The following ALDH1A3 variants were observed in gnomAD, a reference collection of about 807,000 sequenced individuals.
ALDH1A3 encodes aldehyde dehydrogenase 1 family member A3, also known as retinaldehyde dehydrogenase 3.
Under a neutral mutation model 57.5 loss-of-function variants are expected in ALDH1A3, and 28 were observed. The ratio of observed to expected loss-of-function variants is 0.49; its 90% CI spans 0.36 to 0.67. The LOEUF is 0.67. Among genes scored for constraint, ALDH1A3 ranks in the 30% least tolerant of loss-of-function variants. The pLI is 0.00. For synonymous variants in ALDH1A3, 281 were observed against 264.8 expected, an observed-to-expected ratio of 1.06 and a Z score of -0.59; for missense variants, 507 against 669.4, an observed-to-expected ratio of 0.76 and a Z score of 2.68.
At chr15:100,898,657 A>C (rs7182884) in intron 8 of ALDH1A3, among the ~76,000 whole-genome samples, 46,754 of 152,152 alleles carry the variant, frequency 0.31, 8,506 homozygotes, top group South Asian at 0.5. Context: ...CTTGTGTCTC[A>C]GACCTGATAA....
Position 100,906,957 on chromosome 15 carries a change from A to C in ALDH1A3, c.1234-164A>C, listed in dbSNP as rs1400062262. 6.6e-6 allele frequency among the ~76,000 whole-genome samples: 1 copy of C among 152,190 alleles called. No homozygotes were observed. The highest frequency in any genetic ancestry group is 2.4e-5 in the African/African-American group (1 of 41,436). ...TCCCTTCAGTCTCCAATGGCAATGCAGCTGAAGCAATGTTTGGACGTTCTT... is the reference window on the plus strand; with the variant it reads ...TCCCTTCAGTCTCCAATGGCAATGCCGCTGAAGCAATGTTTGGACGTTCTT... On this transcript the variant is annotated intron_variant, in intron 10 of 12. Coordinates refer to ENST00000329841, the MANE Select transcript of ALDH1A3 (RefSeq NM_000693.4). The surrounding 1 kb of genome is among the most constrained non-coding windows in gnomAD (Gnocchi z 4.8).
rs766595446 is a variant in ALDH1A3, at chr15:100,896,000, C to G, written c.734C>G (p.Ser245Cys). 1.2e-6 allele frequency: 2 copies of G among 1,613,582 alleles called. No individual in the cohort carries two copies. The highest frequency in any genetic ancestry group is 8.5e-7 in the Non-Finnish European group (1 of 1,179,794). ...GGGCCCACAGTGGGAGCAGCAATTT[C>G]TTCTCACCCTCAGATCAACAAGATC... ...GFGPTVGAAISSHPQINKIAF... is the reference protein window; with the variant it reads ...GFGPTVGAAICSHPQINKIAF... The change falls in exon 7 of 13, where the codon TCT (serine) becomes TGT (cysteine). Residue 245 changes from serine (S) to cysteine (C), a missense_variant. Transcript: ENST00000329841.
At chr15:100,909,272 A>C (rs1175311150) in intron 12 of ALDH1A3, among the ~76,000 whole-genome samples, 2 of 108,866 alleles carry the variant, frequency 1.8e-5, no homozygotes, top group African/African-American at 3.7e-5. Context: ...CCCACTGCAA[A>C]CCCCTCCACA....
At chr15:100,901,086 C>T (rs962409774) in intron 9 of ALDH1A3, among the ~76,000 whole-genome samples, 3 of 152,256 alleles carry the variant, frequency 2.0e-5, no homozygotes, top group East Asian at 1.9e-4. Context: ...GTGCAGGCAG[C>T]GTGTGGCCTG....
At chr15:100,885,452 A>G in intron 2 of ALDH1A3, 81 bp downstream of exon 2, 1 of 1,087,716 alleles carries the variant, frequency 9.2e-7, no homozygotes. Context: ...GCTTAGCTAT[A>G]AGACAGAACT....
intron 11 of ALDH1A3, among the ~76,000 whole-genome samples, chr15:100,907,636 A>G (rs996742476): frequency 1.3e-5 from 2 of 152,070 alleles, no homozygotes; most frequent in Non-Finnish European, 2.9e-5. Context: ...CAAAATGTGG[A>G]TACTAGTCTC....
At position 100,903,939 on chromosome 15, in the gene ALDH1A3, T is replaced by A. The variant is rs565139760; in HGVS notation, c.1069-1584T>A. On this transcript the variant is annotated intron_variant, in intron 9 of 12. Transcript: ENST00000329841. ...ATGACTTGTTAATATTTTTTCCAAG[T>A]TTGTTGTTTTGCTCTTTGTTATGAT... is the stretch of plus-strand genomic sequence containing the variant. 2.4e-4 allele frequency among the ~76,000 whole-genome samples: 36 copies of A among 152,290 alleles called. 1 individual carries two copies. In the South Asian group the frequency reaches 7.3e-3, roughly 31 times the overall value.
Position 100,892,497 on chromosome 15 carries a change from C to T in ALDH1A3, c.346-13C>T. On this transcript the variant is annotated splice_polypyrimidine_tract_variant and intron_variant, in intron 3 of 12. Transcript: ENST00000329841. ...AAGCTATGTCCGAAACAGACATCAT[C>T]TTGTTATTGCAGGCCCTGGAGACGA... The T allele has an allele frequency of 6.2e-7, 1 of 1,609,348 alleles. No homozygotes were observed. Among genetic ancestry groups the T allele is most frequent in the South Asian group, 1.1e-5 (1 of 89,714 alleles).
chr15:100,910,409 G>A (rs2041871300), intron 12 of ALDH1A3, among the ~76,000 whole-genome samples: 1 of 152,172 alleles, frequency 6.6e-6, no homozygotes, highest in Non-Finnish European at 1.5e-5. Context: ...GGGTCACCAG[G>A]GTCCCCTCTT....
intron 1 of ALDH1A3, among the ~76,000 whole-genome samples, chr15:100,883,365 G>A (rs975650346): frequency 6.6e-6 from 1 of 152,220 alleles, no homozygotes; most frequent in African/African-American, 2.4e-5. Context: ...GATGGCAAAA[G>A]TGAACTCTTG....
intron 9 of ALDH1A3, among the ~76,000 whole-genome samples, chr15:100,903,820 C>A (rs1205127236): frequency 6.6e-6 from 1 of 152,106 alleles, no homozygotes; most frequent in Non-Finnish European, 1.5e-5. Context: ...ATCAAATGTG[C>A]TTTGCGTATT....
chr15:100,886,457 G>C (rs112444145), intron 2 of ALDH1A3, among the ~76,000 whole-genome samples: 4 of 152,298 alleles, frequency 2.6e-5, no homozygotes, highest in African/African-American at 9.6e-5. Flanking sequence ...ACCCTCTGCA[G>C]CTGGAAAGGT....
intron 8 of ALDH1A3, 120 bp downstream of exon 8, chr15:100,898,305 G>A (rs1221554561): frequency 3.7e-6 from 3 of 817,142 alleles, no homozygotes; most frequent in Non-Finnish European, 5.6e-6. Context: ...CAGTGGGGAC[G>A]CTTCCACCGT....
intron 9 of ALDH1A3, among the ~76,000 whole-genome samples, chr15:100,903,490 G>T (rs1345284380): frequency 2.6e-5 from 4 of 152,168 alleles, no homozygotes; most frequent in South Asian, 2.1e-4. Context: ...CACACACAAG[G>T]CCTCAGAGTA....
In ALDH1A3 at chr15:100,882,226, T is replaced by C. The variant is rs916730197; in HGVS notation, c.99+2220T>C. On this transcript the variant is annotated intron_variant, in intron 1 of 12. Transcript: ENST00000329841. ...GCCATTTCCCAGGGTGGTCCAACTT[T>C]CAGGATGACTTTGTCAAAGCCCCTT... Among the ~76,000 whole-genome samples the C allele has an allele frequency of 5.3e-5, 8 of 152,324 alleles. No homozygotes were observed. The East Asian group carries it at 1.5e-3, about 29-fold the overall frequency.
intron 4 of ALDH1A3, 94 bp from the exon 5 acceptor site, chr15:100,892,851 C>T: frequency 7.0e-7 from 1 of 1,422,562 alleles, no homozygotes; most frequent in Admixed American, 1.9e-5. Flanking sequence ...GAATCTGGCA[C>T]CCTTGTTGGT....
chr15:100,880,141 G>T (rs2041532012), intron 1 of ALDH1A3, 135 bp downstream of exon 1: 1 of 534,636 alleles, frequency 1.9e-6, no homozygotes, highest in Non-Finnish European at 2.8e-6. Flanking sequence ...CCCTGCCCGG[G>T]CGCGGCTCTC....
At chr15:100,899,362 C>T (rs904942811) in intron 8 of ALDH1A3, among the ~76,000 whole-genome samples, 3 of 152,318 alleles carry the variant, frequency 2.0e-5, no homozygotes, top group Middle Eastern at 3.4e-3. Flanking sequence ...TATCTGGATA[C>T]GCCACCTGCA....
chr15:100,880,563 A>C, intron 1 of ALDH1A3: 1 of 215,398 alleles, frequency 4.6e-6, no homozygotes. Flanking sequence ...CCGGCTCAGC[A>C]GCAGAACGAG....
Sources: allele counts gnomAD v4.1 joint callset (sites outside exome capture counted in the v4.1 genomes callset), GRCh38; gene constraint gnomAD v4.1.1; non-coding constraint Gnocchi (gnomAD v3.1); transcripts MANE v1.5; gene names NCBI Gene and HGNC (gene_info 2026-07-23, HGNC 2026-07-21).